The following ANXA4 variants were observed in gnomAD, a reference collection of about 807,000 sequenced individuals.
ANXA4 encodes 35-beta calcimedin.
ANXA4 carries 39 observed loss-of-function variants against 49.8 expected under a neutral mutation model. That is an observed-to-expected ratio of 0.78 (90% CI 0.61 to 1.02). The LOEUF (loss-of-function observed/expected upper bound fraction) is 1.02. Ranked by LOEUF, ANXA4 falls within the 50% of genes least tolerant of loss-of-function variation. The pLI, the probability that ANXA4 is intolerant of heterozygous loss-of-function variation, is 0.00. For synonymous variants in ANXA4, 134 were observed against 152.5 expected, an observed-to-expected ratio of 0.88 and a Z score of 0.89; for missense variants, 360 against 410.1, an observed-to-expected ratio of 0.88 and a Z score of 1.05.
rs1465243002 is a variant in ANXA4 at position 69,826,074 on chromosome 2, ACTTC to A, written c.*564_*567del. The A allele has an allele frequency of 9.2e-5, 14 of 152,638 alleles. No individual in the cohort carries two copies. The highest frequency in any genetic ancestry group is 2.6e-4 in the Admixed American group (4 of 15,286). 9.5% of individuals were successfully genotyped at this position (152,638 alleles called of 1,614,324 possible). A position where few individuals can be genotyped will look rare whatever the true frequency, so the allele number is the denominator to read the frequency against. On this transcript the variant is annotated 3_prime_UTR_variant, in exon 13 of 13. Coordinates refer to ENST00000394295, the MANE Select transcript of ANXA4 (RefSeq NM_001153.5). Reference sequence around the variant, plus strand: ...ATCCTTACTAAGTTTTTCATGGGAGACTTCCTTCATCACATCTTATGTTGAAATC... The same window carrying A: ...ATCCTTACTAAGTTTTTCATGGGAGACTTCATCACATCTTATGTTGAAATC...
At chr2:69,766,202 T>A (rs908471932) in intron 1 of ANXA4, among the ~76,000 whole-genome samples, 25 of 152,222 alleles carry the variant, frequency 1.6e-4, no homozygotes, top group African/African-American at 6.0e-4. Context: ...ATGTTTTTCA[T>A]GTGGGTAGAT....
At chr2:69,756,869 T>C (rs1302340037) in intron 1 of ANXA4, among the ~76,000 whole-genome samples, 2 of 151,250 alleles carry the variant, frequency 1.3e-5, no homozygotes, top group African/African-American at 4.8e-5. Flanking sequence ...TCACAAAGAA[T>C]ACAAGTTTTA....
intron 4 of ANXA4, 60 bp from the exon 5 acceptor site, chr2:69,806,325 G>A: frequency 7.9e-7 from 1 of 1,258,582 alleles, no homozygotes; most frequent in Non-Finnish European, 1.2e-6. Context: ...GACCACACCT[G>A]GAGAGTAGCT....
chr2:69,673,706 A>G (rs1330913050), intron 2 of ANXA4, among the ~76,000 whole-genome samples: 6 of 151,698 alleles, frequency 4.0e-5, no homozygotes, highest in African/African-American at 1.2e-4. Flanking sequence ...ACACACACAC[A>G]CACACACACA....
chr2:69,701,567 T>C (rs1466670496), intron 2 of ANXA4, among the ~76,000 whole-genome samples: 1 of 152,248 alleles, frequency 6.6e-6, no homozygotes, highest in African/African-American at 2.4e-5. Context: ...AATAGTATTA[T>C]ATTCACTGTA....
chr2:69,804,122 A>G, intron 3 of ANXA4, among the ~76,000 whole-genome samples: 1 of 136,864 alleles, frequency 7.3e-6, no homozygotes, highest in South Asian at 2.4e-4. Context: ...TGGGTGACAG[A>G]GTGAGACTTT....
chr2:69,815,027 C>T (rs935242016), intron 8 of ANXA4: 2 of 152,306 alleles, frequency 1.3e-5, no homozygotes, highest in Admixed American at 6.5e-5. Context: ...GGCAGTCAGG[C>T]AGGAGGAGTC....
chr2:69,812,835 A>G, intron 8 of ANXA4, 126 bp downstream of exon 8: 1 of 792,090 alleles, frequency 1.3e-6, no homozygotes. Flanking sequence ...TTCTTTAAAA[A>G]TATTCCCACA....
intron 2 of ANXA4, among the ~76,000 whole-genome samples, chr2:69,666,527 T>G (rs946990992): frequency 8.5e-5 from 13 of 152,162 alleles, no homozygotes; most frequent in African/African-American, 2.7e-4. Context: ...GCAAAAAAAC[T>G]TATACACAAA....
chr2:69,750,720 T>C (rs1357108646), intron 1 of ANXA4, among the ~76,000 whole-genome samples: 2 of 152,252 alleles, frequency 1.3e-5, no homozygotes, highest in African/African-American at 4.8e-5. Flanking sequence ...GACCTAGCTC[T>C]GTTTTTAAAT....
intron 3 of ANXA4, among the ~76,000 whole-genome samples, chr2:69,732,268 C>T (rs1338288590): frequency 3.3e-5 from 5 of 151,280 alleles, no homozygotes; most frequent in African/African-American, 9.7e-5. Flanking sequence ...TGAGCCACCG[C>T]GCCCAGCCCT....
chr2:69,799,963 C>T (rs988536817), intron 3 of ANXA4, among the ~76,000 whole-genome samples: 3 of 152,170 alleles, frequency 2.0e-5, no homozygotes, highest in African/African-American at 7.2e-5. Context: ...AGATGCTTTC[C>T]ATGGGTTATC....
chr2:69,738,694 GC>G (rs1489137312), upstream of ANXA4, among the ~76,000 whole-genome samples: 1 of 152,178 alleles, frequency 6.6e-6, no homozygotes, highest in African/African-American at 2.4e-5. Context: ...GAAACCCTGA[GC>G]CTCCATGAAG....
At chr2:69,776,501 A>G (rs1183452917) in intron 1 of ANXA4, among the ~76,000 whole-genome samples, 1 of 152,030 alleles carries the variant, frequency 6.6e-6, no homozygotes, top group Non-Finnish European at 1.5e-5. Flanking sequence ...CTAGCACCAG[A>G]TGTGATGGGT....
intron 2 of ANXA4, among the ~76,000 whole-genome samples, chr2:69,677,458 G>A (rs965472937): frequency 6.6e-6 from 1 of 152,102 alleles, no homozygotes; most frequent in Non-Finnish European, 1.5e-5. Context: ...TTGAACTCCT[G>A]ACCTCAGGTG....
intron 2 of ANXA4, among the ~76,000 whole-genome samples, chr2:69,699,958 A>G (rs548642734): frequency 2.0e-5 from 3 of 152,314 alleles, no homozygotes; most frequent in East Asian, 3.9e-4. Flanking sequence ...AGACGTCCCA[A>G]TGCAGTGTAT....
intron 2 of ANXA4, among the ~76,000 whole-genome samples, chr2:69,686,083 T>A (rs1677775894): frequency 1.3e-5 from 2 of 152,238 alleles, no homozygotes; most frequent in South Asian, 4.1e-4. Flanking sequence ...TTTTAATTAC[T>A]TATTACCTTT....
At chr2:69,789,761 T>A (rs887395467) in intron 3 of ANXA4, among the ~76,000 whole-genome samples, 12 of 152,272 alleles carry the variant, frequency 7.9e-5, no homozygotes, top group Admixed American at 4.6e-4. Context: ...AGAGTTTTTT[T>A]AAATCAGCTC....
intron 3 of ANXA4, among the ~76,000 whole-genome samples, chr2:69,801,329 A>T (rs1030779817): frequency 2.6e-5 from 4 of 151,894 alleles, no homozygotes; most frequent in African/African-American, 4.8e-5. Flanking sequence ...AGAAAAAAAA[A>T]TGATTTTGGG....
Sources: allele counts gnomAD v4.1 joint callset (sites outside exome capture counted in the v4.1 genomes callset), GRCh38; gene constraint gnomAD v4.1.1; transcripts MANE v1.5; gene names NCBI Gene and HGNC (gene_info 2026-07-23, HGNC 2026-07-21).